The following ATP6V1C2 variants were observed in gnomAD, a reference collection of about 807,000 sequenced individuals.
ATP6V1C2 encodes ATPase H+ transporting V1 subunit C2, also known as V-type proton ATPase subunit C 2.
Under a neutral mutation model 56.8 loss-of-function variants are expected in ATP6V1C2, and 45 were observed. The observed-to-expected ratio is 0.79, with a 90% CI of 0.62 to 1.02. The LOEUF is 1.02. ATP6V1C2 is among the 50% of genes least tolerant of loss of function. ATP6V1C2 has a pLI of 0.00. For missense variants in ATP6V1C2, 463 were observed against 519.7 expected (o/e 0.89, Z 1.06); for synonymous variants, 220 against 201.3 (o/e 1.09, Z -0.79).
chr2:10,746,147 G>C (rs939781091), intron 3 of ATP6V1C2, among the ~76,000 whole-genome samples: 1 of 151,764 alleles, frequency 6.6e-6, no homozygotes, highest in Non-Finnish European at 1.5e-5. Flanking sequence ...CTACAGGTGT[G>C]TGCCACCACA....
At chr2:10,781,820 T>G (rs1173256378) in intron 12 of ATP6V1C2, among the ~76,000 whole-genome samples, 2 of 152,238 alleles carry the variant, frequency 1.3e-5, no homozygotes, top group Non-Finnish European at 2.9e-5. Flanking sequence ...TTAAAAATGT[T>G]TTCTATCTAC....
intron 3 of ATP6V1C2, among the ~76,000 whole-genome samples, chr2:10,729,353 G>A (rs1661833939): frequency 6.6e-6 from 1 of 151,604 alleles, no homozygotes; most frequent in Admixed American, 6.6e-5. Flanking sequence ...TAGTAGAGAC[G>A]GTGTTTCACC....
rs1665257937 is a variant in ATP6V1C2 at position 10,780,079 on chromosome 2, C to T, written c.1061+1410C>T. 6.6e-6 allele frequency among the ~76,000 whole-genome samples: 1 copy of T among 152,100 alleles called. No individual in the cohort carries two copies. Among genetic ancestry groups the T allele is most frequent in the African/African-American group, 2.4e-5 (1 of 41,408 alleles). ...GAGCTCCTCATCCCTCCCTGCCGTC[C>T]CCCTGGCTGATGTCCCCTACTTTCC... On this transcript the variant is annotated intron_variant, in intron 12 of 13. Coordinates refer to ENST00000272238, the MANE Select transcript of ATP6V1C2 (RefSeq NM_001039362.2). This position sits in a 1 kb window ranked among gnomAD's most constrained non-coding sequence, Gnocchi z 4.1.
At chr2:10,754,558 T>G (rs1178298099) in intron 4 of ATP6V1C2, among the ~76,000 whole-genome samples, 1 of 946 alleles carries the variant, frequency 1.1e-3, no homozygotes, top group Non-Finnish European at 3.8e-3. Flanking sequence ...TTTTCTTTTC[T>G]TTTCTTTTCT....
At chr2:10,776,759 G>A (rs1409366972) in intron 10 of ATP6V1C2, among the ~76,000 whole-genome samples, 1 of 152,206 alleles carries the variant, frequency 6.6e-6, no homozygotes, top group Non-Finnish European at 1.5e-5. Flanking sequence ...GCCCAGGCCT[G>A]CCAGACCCCC....
chr2:10,761,850 A>G (rs931906661), intron 4 of ATP6V1C2, among the ~76,000 whole-genome samples: 4 of 152,110 alleles, frequency 2.6e-5, no homozygotes, highest in African/African-American at 9.7e-5. Flanking sequence ...GTTAATTCCA[A>G]CACCAGCATC....
chr2:10,728,347 G>C (rs184785607), intron 3 of ATP6V1C2, among the ~76,000 whole-genome samples: 81 of 152,306 alleles, frequency 5.3e-4, no homozygotes, highest in African/African-American at 1.5e-3. Context: ...GCCTGCCAAA[G>C]TGTTGGGATT....
At chr2:10,746,056 T>C (rs1662893891) in intron 3 of ATP6V1C2, among the ~76,000 whole-genome samples, 1 of 152,126 alleles carries the variant, frequency 6.6e-6, no homozygotes, top group African/African-American at 2.4e-5. Context: ...TTTTTGTTTG[T>C]TTGTTTTTGA....
intron 4 of ATP6V1C2, among the ~76,000 whole-genome samples, chr2:10,759,144 G>A (rs1021074491): frequency 3.9e-5 from 6 of 152,204 alleles, no homozygotes; most frequent in African/African-American, 1.4e-4. Flanking sequence ...CCTGCAGCCG[G>A]TCAGACCTGG....
chr2:10,774,205 G>A (rs1447750660), intron 8 of ATP6V1C2, among the ~76,000 whole-genome samples: 1 of 152,240 alleles, frequency 6.6e-6, no homozygotes, highest in African/African-American at 2.4e-5. Flanking sequence ...GACCCTGCCA[G>A]CATGCCAGCA....
intron 1 of ATP6V1C2, among the ~76,000 whole-genome samples, chr2:10,722,013 G>T (rs77424747): frequency 0.11 from 17,154 of 152,220 alleles, 1,280 homozygotes; most frequent in South Asian, 0.27. Flanking sequence ...CCGGGAGTCC[G>T]AAAGGAAGAG....
chr2:10,782,829 CAAAAAAAAAAAAAAAA>C (rs60533807), intron 13 of ATP6V1C2, among the ~76,000 whole-genome samples: 16 of 52,224 alleles, frequency 3.1e-4, no homozygotes, highest in African/African-American at 8.2e-4. Flanking sequence ...GACTCTGTCT[CAAAAAAAAAAAAAAAA>C]AAAAAAAAAA....
intron 1 of ATP6V1C2, 148 bp from the exon 2 acceptor site, chr2:10,722,676 G>A (rs1422598904): frequency 1.2e-6 from 1 of 814,272 alleles, no homozygotes; most frequent in African/African-American, 1.7e-5. Flanking sequence ...TGCCCAGGTG[G>A]AGATAAGAGC....
chr2:10,775,883 C>A (rs1445693943), intron 10 of ATP6V1C2, among the ~76,000 whole-genome samples: 1 of 152,126 alleles, frequency 6.6e-6, no homozygotes, highest in Non-Finnish European at 1.5e-5. Flanking sequence ...CCTCTAGTGA[C>A]AGGGCAGGAG....
intron 4 of ATP6V1C2, among the ~76,000 whole-genome samples, chr2:10,762,508 C>T (rs981831325): frequency 1.3e-5 from 2 of 152,126 alleles, no homozygotes; most frequent in Non-Finnish European, 2.9e-5. Context: ...AAGTGCCAGC[C>T]GCTTTAATGG....
In ATP6V1C2 at chr2:10,784,169, C is replaced by T; in HGVS notation, c.*906C>T. On this transcript the variant is annotated 3_prime_UTR_variant, in exon 14 of 14. Transcript: ENST00000272238. The stretch of plus-strand genomic sequence containing the variant: ...TTGGTTAAAAGGCCACTGGTAGAGT[C>T]ATCTGAGTGTAGAGAATGTCCCTTC... 1.1e-6 allele frequency: 1 copy of T among 928,178 alleles called. No individual in the cohort carries two copies. Among genetic ancestry groups the T allele is most frequent in the Non-Finnish European group, 1.7e-6 (1 of 599,102 alleles). The allele number at this position is 928,178 out of a possible 1,614,324, so 57.5% of individuals were successfully genotyped here. A position where few individuals can be genotyped will look rare whatever the true frequency, so the allele number is the denominator to read the frequency against.
intron 6 of ATP6V1C2, among the ~76,000 whole-genome samples, chr2:10,770,529 G>C (rs1172980047): frequency 6.6e-6 from 1 of 152,250 alleles, no homozygotes; most frequent in Non-Finnish European, 1.5e-5. Context: ...CTAAGGGGAT[G>C]GGTCATCTGT....
chr2:10,761,589 G>T (rs999619231), intron 4 of ATP6V1C2, among the ~76,000 whole-genome samples: 99 of 152,298 alleles, frequency 6.5e-4, no homozygotes, highest in African/African-American at 2.3e-3. Flanking sequence ...AAATACCACT[G>T]ACTGGGCAGC....
At chr2:10,776,761 C>CA (rs1329609907) in intron 10 of ATP6V1C2, among the ~76,000 whole-genome samples, 1 of 152,166 alleles carries the variant, frequency 6.6e-6, no homozygotes, top group Non-Finnish European at 1.5e-5. Context: ...CCAGGCCTGC[C>CA]AGACCCCCGG....
Sources: gnomAD v4.1 joint callset for allele counts (sites outside exome capture counted in the v4.1 genomes callset) on GRCh38, gnomAD v4.1.1 for gene constraint, Gnocchi (gnomAD v3.1) non-coding constraint, MANE v1.5 for transcripts, NCBI Gene and HGNC (gene_info 2026-07-23, HGNC 2026-07-21) for gene names.